Variants in DLGAP1 observed in about 807,000 individuals in gnomAD.
DLGAP1 encodes the protein DLG associated protein 1.
A neutral mutation model predicts 90.8 loss-of-function variants in DLGAP1; 11 were observed. The ratio of observed to expected loss-of-function variants is 0.12; its 90% CI spans 0.08 to 0.20. The LOEUF (loss-of-function observed/expected upper bound fraction) is 0.20, where lower values mean the gene tolerates loss of function less well. DLGAP1 is among the 10% of genes least tolerant of loss of function. The pLI is 1.00. For synonymous variants in DLGAP1, 558 were observed against 540.7 expected, an observed-to-expected ratio of 1.03 and a Z score of -0.44; for missense variants, 1,050 against 1,333.8, an observed-to-expected ratio of 0.79 and a Z score of 3.31.
At chr18:4,222,165 G>C (rs1000247306) in intron 1 of DLGAP1, among the ~76,000 whole-genome samples, 1 of 151,974 alleles carries the variant, frequency 6.6e-6, no homozygotes, top group Non-Finnish European at 1.5e-5. Flanking sequence ...TCAAACATAT[G>C]CTTTCAGTCC....
At chr18:3,629,564 C>T (rs1330435281) in intron 7 of DLGAP1, among the ~76,000 whole-genome samples, 6 of 151,496 alleles carry the variant, frequency 4.0e-5, no homozygotes, top group Non-Finnish European at 8.8e-5. Flanking sequence ...CCCAGCTACT[C>T]GGGAGGCTGA....
At chr18:4,003,346 G>C (rs2074236088) in intron 3 of DLGAP1, among the ~76,000 whole-genome samples, 1 of 151,974 alleles carries the variant, frequency 6.6e-6, no homozygotes, top group Non-Finnish European at 1.5e-5. Context: ...TGAGATTTAA[G>C]GGATAGGAGA....
At chr18:3,902,572 T>C (rs563690700) in intron 3 of DLGAP1, among the ~76,000 whole-genome samples, 7 of 152,314 alleles carry the variant, frequency 4.6e-5, no homozygotes, top group African/African-American at 1.7e-4. Flanking sequence ...GCCTCAAATT[T>C]GTATTACTGT....
chr18:4,089,446 A>C (rs1028385818), intron 2 of DLGAP1, among the ~76,000 whole-genome samples: 1 of 152,206 alleles, frequency 6.6e-6, no homozygotes, highest in Non-Finnish European at 1.5e-5. Context: ...AATTACAAAA[A>C]ACTACTTTAA....
intron 7 of DLGAP1, among the ~76,000 whole-genome samples, chr18:3,626,376 G>A (rs35015087): frequency 4.0e-5 from 6 of 150,712 alleles, no homozygotes; most frequent in Non-Finnish European, 8.8e-5. Context: ...GGAGGATTGC[G>A]TAAGCCCAGG....
At chr18:4,362,386 G>T (rs1029858064) in intron 1 of DLGAP1, among the ~76,000 whole-genome samples, 15 of 152,082 alleles carry the variant, frequency 9.9e-5, no homozygotes, top group African/African-American at 3.6e-4. Context: ...GACATATGAT[G>T]GAATATTATT....
chr18:3,506,552 C>CAA (rs60692504), intron 11 of DLGAP1, among the ~76,000 whole-genome samples: 1 of 101,362 alleles, frequency 9.9e-6, no homozygotes, highest in Admixed American at 9.8e-5. Flanking sequence ...AACTCCATGT[C>CAA]AAAAAAAAAA....
intron 3 of DLGAP1, among the ~76,000 whole-genome samples, chr18:3,911,676 C>T (rs573754075): frequency 4.6e-5 from 7 of 152,288 alleles, no homozygotes; most frequent in African/African-American, 1.7e-4. Context: ...AGTCAGTTTT[C>T]TAATGAGCTG....
intron 1 of DLGAP1, among the ~76,000 whole-genome samples, chr18:4,250,612 A>G (rs1227722761): frequency 6.6e-6 from 1 of 152,200 alleles, no homozygotes; most frequent in Non-Finnish European, 1.5e-5. Context: ...CTGTCACCTC[A>G]TACTTTAGCA....
chr18:4,189,734 A>C (rs1252391745), intron 1 of DLGAP1, among the ~76,000 whole-genome samples: 1 of 152,190 alleles, frequency 6.6e-6, no homozygotes, highest in Admixed American at 6.6e-5. Context: ...ACAATGATTA[A>C]GACAGTACAG....
At chr18:3,983,719 C>T (rs1033870298) in intron 3 of DLGAP1, 2 of 152,114 alleles carry the variant, frequency 1.3e-5, no homozygotes, top group East Asian at 1.9e-4. Flanking sequence ...AAATTACCCC[C>T]GTTTAAAAAA....
intron 1 of DLGAP1, among the ~76,000 whole-genome samples, chr18:4,331,241 G>A (rs2080943885): frequency 6.6e-6 from 1 of 151,606 alleles, no homozygotes; most frequent in African/African-American, 2.4e-5. Context: ...TCACGGGACT[G>A]TGTTTTCTCC....
intron 11 of DLGAP1, among the ~76,000 whole-genome samples, chr18:3,507,155 T>G (rs2050273910): frequency 6.6e-6 from 1 of 152,102 alleles, no homozygotes; most frequent in Non-Finnish European, 1.5e-5. Flanking sequence ...ATAAATTTCT[T>G]TCAGTCTGTA....
At chr18:4,099,238 ATCTGTCTGTCTG>A (rs35402489) in intron 2 of DLGAP1, among the ~76,000 whole-genome samples, 2 of 114,008 alleles carry the variant, frequency 1.8e-5, no homozygotes, top group African/African-American at 7.1e-5. Context: ...TTGAAAATAG[ATCTGTCTGTCTG>A]TCTGTCTGTC....
At chr18:4,122,362 A>C (rs2076166170) in intron 2 of DLGAP1, among the ~76,000 whole-genome samples, 1 of 152,206 alleles carries the variant, frequency 6.6e-6, no homozygotes, top group Admixed American at 6.5e-5. Flanking sequence ...AGTTGTGTCC[A>C]TTTCAGACTG....
intron 5 of DLGAP1, among the ~76,000 whole-genome samples, chr18:3,760,867 C>T (rs368360153): frequency 1.8e-4 from 27 of 152,098 alleles, no homozygotes; most frequent in Middle Eastern, 3.2e-3. Flanking sequence ...AGTTTTACAG[C>T]GGGAAGTTTG....
chr18:3,636,521 C>T (rs1374292066), intron 7 of DLGAP1, among the ~76,000 whole-genome samples: 2 of 151,584 alleles, frequency 1.3e-5, no homozygotes, highest in Non-Finnish European at 2.9e-5. Context: ...AAGTGATTCT[C>T]CTGCTTCAGC....
At chr18:3,997,699 C>T (rs1048237118) in intron 3 of DLGAP1, among the ~76,000 whole-genome samples, 1 of 151,496 alleles carries the variant, frequency 6.6e-6, no homozygotes, top group African/African-American at 2.4e-5. Flanking sequence ...AAAAAGAAAA[C>T]ATTAAAATTA....
intron 3 of DLGAP1, among the ~76,000 whole-genome samples, chr18:3,974,276 ATG>A (rs2073522758): frequency 6.6e-6 from 1 of 152,002 alleles, no homozygotes; most frequent in Non-Finnish European, 1.5e-5. Flanking sequence ...GGGTTTCACC[ATG>A]TTGGCCAGGA....
Sources: allele counts gnomAD v4.1 joint callset (sites outside exome capture counted in the v4.1 genomes callset), GRCh38; gene constraint gnomAD v4.1.1; transcripts MANE v1.5; gene names NCBI Gene and HGNC (gene_info 2026-07-23, HGNC 2026-07-21).